The following ZNF836 variants were observed in gnomAD, a reference collection of about 807,000 sequenced individuals.
The protein encoded by ZNF836 is zinc finger protein 836.
ZNF836 carries 12 observed loss-of-function variants against 7.4 expected under a neutral mutation model. The ratio of observed to expected loss-of-function variants is 1.61; its 90% CI spans 1.03 to 2.61. The LOEUF is 2.61. ZNF836 is among the 30% of genes most tolerant of loss of function. ZNF836 has a pLI of 0.00. For missense variants in ZNF836, 998 were observed against 1,126.2 expected, an observed-to-expected ratio of 0.89 and a Z score of 1.63; for synonymous variants, 365 against 382.6, an observed-to-expected ratio of 0.95 and a Z score of 0.54.
intron 3 of ZNF836, among the ~76,000 whole-genome samples, chr19:52,163,105 T>C (rs2089228638): frequency 6.6e-6 from 1 of 152,154 alleles, no homozygotes; most frequent in South Asian, 2.1e-4. Flanking sequence ...GAAACTATTC[T>C]GCCCTCAAGG....
intron 3 of ZNF836, among the ~76,000 whole-genome samples, chr19:52,163,650 G>A (rs2089234106): frequency 6.6e-6 from 1 of 152,106 alleles, no homozygotes; most frequent in East Asian, 1.9e-4. Flanking sequence ...CACAACCAAA[G>A]CCTATCAACT....
chr19:52,156,287 C>T lies in ZNF836; in HGVS notation c.1396G>A (p.Gly466Arg), dbSNP rs1470311969. The T allele has an allele frequency of 3.1e-6, 5 of 1,614,112 alleles. No individual in the cohort carries two copies. Among genetic ancestry groups the T allele is most frequent in the South Asian group, 1.1e-5 (1 of 91,074 alleles). ...QLARHQRSHT[G>R]EKPYKCNECG... ...TCATTGCATTTGTAAGGTTTCTCTC[C>T]AGTATGACTTCTCTGGTGCCTTGCA... Residue 466 changes from glycine to arginine, a missense_variant, in exon 5 of 5, where the codon GGA (glycine) becomes AGA (arginine). Transcript: ENST00000682614.
chr19:52,160,698 A>ATCTGT, intron 3 of ZNF836, 107 bp from the exon 4 acceptor site: 3 of 1,381,438 alleles, frequency 2.2e-6, no homozygotes, highest in Non-Finnish European at 2.9e-6. Context: ...GTGTTTTCAC[A>ATCTGT]TATCCATGCA....
At position 52,161,703 on chromosome 19, in the gene ZNF836, T is replaced by G. The variant is rs554921539; in HGVS notation, c.16-1112A>C. ...ACATTCCACCCCTGGCCCCCAAAAT[T>G]GATATACTTCTCACAAACAAAATAC... is the stretch of plus-strand genomic sequence containing the variant. On this transcript the variant is annotated intron_variant, in intron 3 of 4. Transcript: ENST00000682614. This position sits in a 1 kb window ranked among gnomAD's most constrained non-coding sequence, Gnocchi z 4.1. 1.3e-5 allele frequency among the ~76,000 whole-genome samples: 2 copies of G among 151,318 alleles called. No individual in the cohort carries two copies. Among genetic ancestry groups the G allele is most frequent in the South Asian group, 4.2e-4 (2 of 4,792 alleles).
intron 3 of ZNF836, among the ~76,000 whole-genome samples, chr19:52,166,735 A>G (rs986136524): frequency 6.6e-5 from 10 of 150,668 alleles, no homozygotes; most frequent in Admixed American, 5.9e-4. Context: ...CACCACGCCC[A>G]GCTAATTTTT....
At chr19:52,164,480 A>G (rs56936955) in intron 3 of ZNF836, among the ~76,000 whole-genome samples, 4 of 95,072 alleles carry the variant, frequency 4.2e-5, no homozygotes, top group East Asian at 2.2e-4. Context: ...AAGGAAGGAA[A>G]GAAAGAGAAA....
rs768628360 is a variant in ZNF836 at position 52,155,113 on chromosome 19, G to T, written c.2570C>A (p.Thr857Asn). ...SKLVYHQRNH[T>N]GEKPYKCIEC... is the part of the protein sequence containing the mutation. ...AATACATTTGTATGGCTTCTCTCCA[G>T]TGTGATTTCTTTGATGGTACACCAG... The change falls in exon 5 of 5, where the codon ACT (threonine) becomes AAT (asparagine). Residue 857 changes from threonine (T) to asparagine (N), a missense_variant. Coordinates refer to ENST00000682614, the MANE Select transcript of ZNF836 (RefSeq NM_001102657.3). 3.1e-6 allele frequency: 5 copies of T among 1,614,160 alleles called. No individual in the cohort carries two copies. Among genetic ancestry groups the T allele is most frequent in the Non-Finnish European group, 3.4e-6 (4 of 1,179,990 alleles).
chr19:52,162,567 A>C (rs79407098), intron 3 of ZNF836, among the ~76,000 whole-genome samples: 1 of 152,236 alleles, frequency 6.6e-6, no homozygotes, highest in South Asian at 2.1e-4. Context: ...ACAAGAGAGT[A>C]TATTTGGAAG....
rs531879347 is a variant in ZNF836 at position 52,169,040 on chromosome 19, G to A, written c.-81+608C>T. Among the ~76,000 whole-genome samples, 91 of 152,232 alleles carry A rather than the reference G, an allele frequency of 6.0e-4. 1 individual carries two copies. Among genetic ancestry groups the A allele is most frequent in the African/African-American group, 1.8e-3 (73 of 41,544 alleles). On this transcript the variant is annotated intron_variant, in intron 2 of 4. Coordinates refer to ENST00000682614, the MANE Select transcript of ZNF836 (RefSeq NM_001102657.3). ...AGTTCAGGGGAATCTAACGTACACC[G>A]TGGTGTCTATACTGTATTGGACACT...
intron 3 of ZNF836, among the ~76,000 whole-genome samples, chr19:52,163,674 C>T (rs1194539549): frequency 6.6e-6 from 1 of 152,094 alleles, no homozygotes. Flanking sequence ...TTCTGTCTTG[C>T]CTGAATATAA....
In ZNF836 at chr19:52,168,116, C is replaced by T. The variant is rs374307115; in HGVS notation, c.-44G>A. 1.9e-6 allele frequency: 3 copies of T among 1,601,164 alleles called. No homozygotes were observed. In the African/African-American group the frequency reaches 4.0e-5, roughly 22 times the overall value. On this transcript the variant is annotated 5_prime_UTR_variant, in exon 3 of 5. Coordinates refer to ENST00000682614, the MANE Select transcript of ZNF836 (RefSeq NM_001102657.3). ...CCTCTTCTTCCTCTTCTGGGCTTCT[C>T]TCTCAGTCAATATAATTAATTCTTT...
chr19:52,158,032 G>A (rs950532309), intron 4 of ZNF836, among the ~76,000 whole-genome samples: 4 of 151,986 alleles, frequency 2.6e-5, no homozygotes, highest in African/African-American at 7.3e-5. Flanking sequence ...TAAAAAAGGA[G>A]TAGAATTCTT....
Position 52,160,531 on chromosome 19 carries a change from C to T in ZNF836, c.76G>A (p.Asp26Asn), listed in dbSNP as rs1349039251. The T allele has an allele frequency of 6.2e-7, 1 of 1,614,010 alleles. No individual in the cohort carries two copies. The highest frequency in any genetic ancestry group is 8.5e-7 in the Non-Finnish European group (1 of 1,179,990). ...CAGTACAAAGCTTTCTGCACAGGGT[C>T]CAGGGATTTCCACTCCTCCTGAGAG... ...EFSQEEWKSL[D>N]PVQKALYWDV... Residue 26 changes from aspartate (D) to asparagine (N), a missense_variant, in exon 4 of 5, where the codon GAC becomes AAC. Asp to Asn is a conservative substitution (Grantham distance 23). Transcript: ENST00000682614.
Position 52,154,920 on chromosome 19 carries a change from G to T in ZNF836, c.2763C>A (p.Phe921Leu). 1.3e-6 allele frequency: 2 copies of T among 1,542,964 alleles called. No individual in the cohort carries two copies. The highest frequency in any genetic ancestry group is 1.3e-5 in the South Asian group (1 of 78,388). ...GAACATCTAAAGGCTTTTCCACATT[G>T]AATTTTGTTTTAAGACTCTCTGCAG... ...KHTAESLKTK[F>L]NVEKPLDVLL... Residue 921 changes from phenylalanine (F) to leucine (L), a missense_variant, in exon 5 of 5, where the codon TTC (phenylalanine) becomes TTA (leucine). Physicochemically the swap from Phe to Leu is conservative, Grantham distance 22. Transcript: ENST00000682614.
intron 4 of ZNF836, among the ~76,000 whole-genome samples, chr19:52,158,742 C>T (rs982046372): frequency 4.0e-5 from 6 of 151,820 alleles, no homozygotes; most frequent in Non-Finnish European, 7.4e-5. Context: ...GACTCTGTCT[C>T]GGAAAAACAA....
intron 2 of ZNF836, 37 bp from the exon 3 acceptor site, chr19:52,168,189 C>G (rs2089282153): frequency 7.3e-7 from 1 of 1,369,050 alleles, no homozygotes. Flanking sequence ...TGCTTGGAAA[C>G]AACACATTCC....
chr19:52,168,124 C>T lies in ZNF836; in HGVS notation c.-52G>A, dbSNP rs2089281522. ...TCCTCTTCTGGGCTTCTCTCTCAGT[C>T]AATATAATTAATTCTTTACAAGTCA... On this transcript the variant is annotated 5_prime_UTR_variant, in exon 3 of 5. Transcript: ENST00000682614. 6.3e-7 allele frequency: 1 copy of T among 1,597,236 alleles called. No individual in the cohort carries two copies. Among genetic ancestry groups the T allele is most frequent in the African/African-American group, 1.3e-5 (1 of 74,076 alleles).
Position 52,156,036 on chromosome 19 carries a change from A to C in ZNF836, c.1647T>G (p.Thr549=), listed in dbSNP as rs200014155. ...SCLVRHLRIH[T]GEQPYKCNVC... The stretch of plus-strand genomic sequence containing the variant: ...CATTACATTTGTAAGGTTGCTCCCC[A>C]GTATGAATTCTTAAATGTCTTACAA... The change falls in exon 5 of 5, where the codon ACT becomes ACG. Residue 549 remains threonine (T), a synonymous_variant. Transcript: ENST00000682614. 4.8e-4 allele frequency: 767 copies of C among 1,613,926 alleles called. 1 individual carries two copies. The highest frequency in any genetic ancestry group is 6.2e-4 in the Non-Finnish European group (731 of 1,179,922).
intron 4 of ZNF836, chr19:52,160,186 TAAA>T (rs35190507): frequency 0.042 from 15,208 of 361,374 alleles, 1 homozygote; most frequent in South Asian, 0.097. Context: ...CTGTCTCCAT[TAAA>T]AAAAAAAAAA....
Sources: allele counts gnomAD v4.1 joint callset (sites outside exome capture counted in the v4.1 genomes callset), GRCh38; gene constraint gnomAD v4.1.1; non-coding constraint Gnocchi (gnomAD v3.1); transcripts MANE v1.5; gene names NCBI Gene and HGNC (gene_info 2026-07-23, HGNC 2026-07-21).